Variants in RPS6KA2 observed in about 807,000 individuals in gnomAD.
The protein encoded by RPS6KA2 is ribosomal protein S6 kinase alpha-2.
In RPS6KA2, 42 loss-of-function variants were observed where a neutral mutation model predicts 91.8. That is an observed-to-expected ratio of 0.46 (90% CI 0.36 to 0.59). The LOEUF is 0.59. Ranked by LOEUF, RPS6KA2 falls within the 20% of genes least tolerant of loss-of-function variation. The probability of loss-of-function intolerance (pLI) is 0.00; values close to 1 mark genes in which losing one functional copy is unlikely to be tolerated. For synonymous variants in RPS6KA2, 414 were observed against 393.6 expected, an observed-to-expected ratio of 1.05 and a Z score of -0.61; for missense variants, 798 against 978.5, an observed-to-expected ratio of 0.82 and a Z score of 2.46.
rs148159786 is a variant in RPS6KA2, at chr6:166,636,752, A to G, written c.124-97968T>C. ...GACATTGGGGAACGAGGCCAGGAGA[A>G]GCAGGGTGTGGCCGAAGGGAAGTGG... On this transcript the variant is annotated intron_variant, in intron 2 of 21. Coordinates refer to the RPS6KA2 transcript ENST00000503859. Among the ~76,000 whole-genome samples the G allele has an allele frequency of 6.5e-4, 99 of 152,364 alleles. No homozygotes were observed. In the Middle Eastern group the frequency reaches 0.014, roughly 21 times the overall value.
intron 2 of RPS6KA2, among the ~76,000 whole-genome samples, chr6:166,805,857 C>T (rs778440232): frequency 1.3e-5 from 2 of 151,986 alleles, no homozygotes; most frequent in African/African-American, 4.8e-5. Context: ...GCTTGAAGAA[C>T]TAAAGGAAGA....
At chr6:166,841,406 T>C (rs1048591939) in intron 2 of RPS6KA2, among the ~76,000 whole-genome samples, 1 of 152,280 alleles carries the variant, frequency 6.6e-6, no homozygotes, top group Non-Finnish European at 1.5e-5. Context: ...GTGCTGCACC[T>C]GCTCTTTCAA....
intron 2 of RPS6KA2, among the ~76,000 whole-genome samples, chr6:166,850,514 A>G (rs1239557068): frequency 6.6e-6 from 1 of 152,188 alleles, no homozygotes; most frequent in Non-Finnish European, 1.5e-5. Context: ...AAGCCCCCGG[A>G]TTTTTGTGCA....
At chr6:166,599,996 AGTTTGTTT>A (rs111718759) in intron 1 of RPS6KA2, among the ~76,000 whole-genome samples, 12 of 151,886 alleles carry the variant, frequency 7.9e-5, no homozygotes, top group South Asian at 2.1e-4. Context: ...GAGGGTGGTA[AGTTTGTTT>A]GTTTGTTTGT....
rs116966072 is a variant in RPS6KA2, at chr6:166,682,991, C to T, written c.124-144207G>A. 3.9e-5 allele frequency among the ~76,000 whole-genome samples: 6 copies of T among 152,276 alleles called. No individual in the cohort carries two copies. In the East Asian group the frequency reaches 1.2e-3, roughly 29 times the overall value. ...AAGTGAAGGCATGAATGAAGAAATG[C>T]AACGAGAAACTAGGGGAAGGCCTAC... On this transcript the variant is annotated intron_variant, in intron 2 of 21. Coordinates refer to the RPS6KA2 transcript ENST00000503859.
intron 16 of RPS6KA2, among the ~76,000 whole-genome samples, chr6:166,427,737 A>C (rs1306833506): frequency 5.9e-5 from 9 of 152,192 alleles, no homozygotes; most frequent in Non-Finnish European, 1.3e-4. Context: ...TAGGAATCCA[A>C]CTTACAAGGG....
chr6:166,754,731 G>A (rs1032781167), intron 2 of RPS6KA2, among the ~76,000 whole-genome samples: 12 of 152,282 alleles, frequency 7.9e-5, no homozygotes, highest in African/African-American at 2.9e-4. Flanking sequence ...CAAAGCATCA[G>A]ATGCGGAAAA....
Position 166,459,191 on chromosome 6 carries a change from C to A in RPS6KA2, c.1075+258G>T, listed in dbSNP as rs896455144. The stretch of plus-strand genomic sequence containing the variant: ...TGTGTCTCTCTGACACAGGAAGTAA[C>A]TGGACCGGTGTCTTGGAATAAGGAT... On this transcript the variant is annotated intron_variant, in intron 12 of 20. Transcript: ENST00000265678. This position sits in a 1 kb window ranked among gnomAD's most constrained non-coding sequence, Gnocchi z 4.9. Among the ~76,000 whole-genome samples the A allele has an allele frequency of 1.3e-5, 2 of 152,202 alleles. No individual in the cohort carries two copies. Among genetic ancestry groups the A allele is most frequent in the Non-Finnish European group, 2.9e-5 (2 of 68,046 alleles).
At chr6:166,586,281 C>G in intron 1 of RPS6KA2, 1 of 1,598,010 alleles carries the variant, frequency 6.3e-7, no homozygotes, top group Non-Finnish European at 8.5e-7. Flanking sequence ...GTTGTCCCTG[C>G]CTCTGAACTG....
chr6:166,855,359 T>C (rs13218432), intron 2 of RPS6KA2, among the ~76,000 whole-genome samples: 2 of 40,200 alleles, frequency 5.0e-5, no homozygotes, highest in Non-Finnish European at 1.3e-4. Context: ...AAGACAAAGA[T>C]GAAGATGAAG....
rs780525931 is a variant in RPS6KA2, at chr6:166,648,617, G to A, written c.124-109833C>T. Among the ~76,000 whole-genome samples the A allele has an allele frequency of 2.0e-5, 3 of 152,114 alleles. No homozygotes were observed. Among genetic ancestry groups the A allele is most frequent in the Non-Finnish European group, 2.9e-5 (2 of 68,010 alleles). ...TAGTATTTTCACCTATCACCGCCAC[G>A]CAGCTGACTTCTTAATCTGTTTCCA... On this transcript the variant is annotated intron_variant, in intron 2 of 21. Coordinates refer to the RPS6KA2 transcript ENST00000503859. The surrounding 1 kb of genome is among the most constrained non-coding windows in gnomAD (Gnocchi z 4.8).
chr6:166,702,802 G>T, intron 2 of RPS6KA2: 1 of 1,068,934 alleles, frequency 9.4e-7, no homozygotes, highest in East Asian at 2.4e-5. Context: ...CAAGGGGGCG[G>T]CGTTCTCGCT....
At position 166,423,527 on chromosome 6, in the gene RPS6KA2, G is replaced by T; in HGVS notation, c.1582-110C>A. The T allele has an allele frequency of 2.8e-6, 3 of 1,089,462 alleles. No homozygotes were observed. The highest frequency in any genetic ancestry group is 3.9e-6 in the Non-Finnish European group (3 of 765,134). The allele number at this position is 1,089,462 out of a possible 1,614,324, so 67.5% of individuals were successfully genotyped here. On this transcript the variant is annotated intron_variant, in intron 16 of 20. Transcript: ENST00000265678. The surrounding 1 kb of genome is among the most constrained non-coding windows in gnomAD (Gnocchi z 4.8). Reference sequence around the variant, plus strand: ...CATTTGGGAACTGTCTTCCTAGCAGGTCCTGCAAGCAGGCAACAGGCCAAC... The same window carrying T: ...CATTTGGGAACTGTCTTCCTAGCAGTTCCTGCAAGCAGGCAACAGGCCAAC...
chr6:166,813,937 C>T (rs1412398397), intron 2 of RPS6KA2, among the ~76,000 whole-genome samples: 1 of 152,210 alleles, frequency 6.6e-6, no homozygotes, highest in Non-Finnish European at 1.5e-5. Context: ...AACTGTCTTG[C>T]ACTTCAATGT....
intron 13 of RPS6KA2, among the ~76,000 whole-genome samples, chr6:166,449,695 A>G (rs1365327337): frequency 6.6e-6 from 1 of 152,130 alleles, no homozygotes; most frequent in Non-Finnish European, 1.5e-5. Flanking sequence ...CCAGGGCTTT[A>G]CCTTCCCTCT....
At chr6:166,716,882 C>T (rs184840525) in intron 2 of RPS6KA2, among the ~76,000 whole-genome samples, 2 of 121,182 alleles carry the variant, frequency 1.7e-5, no homozygotes, top group South Asian at 3.4e-4. Flanking sequence ...ACACTGTAAC[C>T]GAAATTTAAA....
intron 2 of RPS6KA2, among the ~76,000 whole-genome samples, chr6:166,793,193 G>T (rs1257320363): frequency 1.3e-5 from 2 of 151,940 alleles, no homozygotes; most frequent in Non-Finnish European, 1.5e-5. Flanking sequence ...ATCACAAGCA[G>T]TCTTATACAC....
chr6:166,689,713 C>T (rs1789144592), intron 2 of RPS6KA2, among the ~76,000 whole-genome samples: 1 of 152,174 alleles, frequency 6.6e-6, no homozygotes, highest in African/African-American at 2.4e-5. Flanking sequence ...AATAAATGTC[C>T]CCCTATTTCA....
chr6:166,615,048 G>A (rs901581479), intron 1 of RPS6KA2, among the ~76,000 whole-genome samples: 16 of 151,976 alleles, frequency 1.1e-4, no homozygotes, highest in South Asian at 4.2e-4. Context: ...GAGCACCTGC[G>A]TCAGGGCTGG....
Sources: allele counts gnomAD v4.1 joint callset (sites outside exome capture counted in the v4.1 genomes callset), GRCh38; gene constraint gnomAD v4.1.1; non-coding constraint Gnocchi (gnomAD v3.1); transcripts MANE v1.5; gene names NCBI Gene and HGNC (gene_info 2026-07-23, HGNC 2026-07-21).